The following TBX4 variants were observed in gnomAD, a reference collection of about 807,000 sequenced individuals.
The protein encoded by TBX4 is T-box transcription factor TBX4.
Under a neutral mutation model 54.6 loss-of-function variants are expected in TBX4, and 13 were observed. That is an observed-to-expected ratio of 0.24 (90% CI 0.15 to 0.38). The LOEUF (loss-of-function observed/expected upper bound fraction) is 0.38, where lower values mean the gene tolerates loss of function less well. Among genes scored for constraint, TBX4 ranks in the 10% least tolerant of loss-of-function variants. TBX4 has a pLI of 1.00. For synonymous variants in TBX4, 314 were observed against 306.7 expected (o/e 1.02, Z -0.25); for missense variants, 631 against 728.5 (o/e 0.87, Z 1.54).
In TBX4 at chr17:61,462,204, G is replaced by T. The variant is rs781330303; in HGVS notation, c.282-3615G>T. 6.6e-6 allele frequency among the ~76,000 whole-genome samples: 1 copy of T among 152,172 alleles called. No homozygotes were observed. The highest frequency in any genetic ancestry group is 1.5e-5 in the Non-Finnish European group (1 of 68,042). On this transcript the variant is annotated intron_variant, in intron 3 of 8. Transcript: ENST00000644296. The surrounding 1 kb of genome is among the most constrained non-coding windows in gnomAD (Gnocchi z 4.5). Reference sequence around the variant, plus strand: ...TCATTCTAAAGCCATTTCCGAGTATGAATAGATAAAGGCTCCAGCTCCGCA... The same window carrying T: ...TCATTCTAAAGCCATTTCCGAGTATTAATAGATAAAGGCTCCAGCTCCGCA...
intron 5 of TBX4, among the ~76,000 whole-genome samples, chr17:61,471,219 C>T (rs1217529331): frequency 6.6e-6 from 1 of 152,238 alleles, no homozygotes; most frequent in Non-Finnish European, 1.5e-5. Context: ...TATTTTCCCA[C>T]CTTCTTCACC....
At chr17:61,470,647 G>T (rs1325771513) in intron 5 of TBX4, among the ~76,000 whole-genome samples, 2 of 152,214 alleles carry the variant, frequency 1.3e-5, no homozygotes, top group Non-Finnish European at 2.9e-5. Context: ...GTCAGCTCCA[G>T]TCCCGAGGTT....
Position 61,467,516 on chromosome 17 carries a change from G to A in TBX4, c.408G>A (p.Val136=). 1.2e-6 allele frequency: 2 copies of A among 1,614,176 alleles called. No homozygotes were observed. Among genetic ancestry groups the A allele is most frequent in the Non-Finnish European group, 1.7e-6 (2 of 1,180,034 alleles). The change falls in exon 5 of 9, where the codon GTG becomes GTA. Residue 136 remains valine, a synonymous_variant. Transcript: ENST00000644296. ...RYKFCDNKWM[V]AGKAEPAMPG... The stretch of plus-strand genomic sequence containing the variant: ...TTATCTGCTCTGTTGGCAGGATGGT[G>A]GCAGGGAAGGCTGAGCCAGCCATGC...
Position 61,475,676 on chromosome 17 carries a change from G to A in TBX4, c.550-2951G>A, listed in dbSNP as rs187969419. On this transcript the variant is annotated intron_variant, in intron 5 of 8. Transcript: ENST00000644296. The surrounding 1 kb of genome is among the most constrained non-coding windows in gnomAD (Gnocchi z 5.0). ...ATACCCAGGGCTTTGACGAGCCCAC[G>A]ACTGCTTGTGACTGCCCAGGTGTCA... Among the ~76,000 whole-genome samples, 3 of 152,268 alleles carry A rather than the reference G, an allele frequency of 2.0e-5. No homozygotes were observed. Among genetic ancestry groups the A allele is most frequent in the African/African-American group, 7.2e-5 (3 of 41,572 alleles).
At chr17:61,482,836 G>C in intron 8 of TBX4, 61 bp from the exon 9 acceptor site, 1 of 1,601,738 alleles carries the variant, frequency 6.2e-7, no homozygotes, top group Non-Finnish European at 8.5e-7. Flanking sequence ...GCATCCAACA[G>C]GGTGCTCTGG....
Position 61,462,679 on chromosome 17 carries a change from C to T in TBX4, c.282-3140C>T, listed in dbSNP as rs946982918. Among the ~76,000 whole-genome samples the T allele has an allele frequency of 6.6e-6, 1 of 152,220 alleles. No homozygotes were observed. The highest frequency in any genetic ancestry group is 2.1e-4 in the South Asian group (1 of 4,836). ...GCAGGGCCTGCGTGGACACAGGCGGCACACACAGTGTCTTCCTTCTTGGTC... is the reference window on the plus strand; with the variant it reads ...GCAGGGCCTGCGTGGACACAGGCGGTACACACAGTGTCTTCCTTCTTGGTC... On this transcript the variant is annotated intron_variant, in intron 3 of 8. Transcript: ENST00000644296. The surrounding 1 kb of genome is among the most constrained non-coding windows in gnomAD (Gnocchi z 4.5).
chr17:61,473,075 G>A (rs976832200), intron 5 of TBX4, among the ~76,000 whole-genome samples: 6 of 152,118 alleles, frequency 3.9e-5, no homozygotes, highest in African/African-American at 1.4e-4. Context: ...GAGCTTATTT[G>A]TATTTTTATT....
intron 4 of TBX4, among the ~76,000 whole-genome samples, chr17:61,466,749 T>G (rs1041284102): frequency 1.3e-5 from 2 of 152,252 alleles, no homozygotes; most frequent in African/African-American, 4.8e-5. Context: ...AGGCTCTGGC[T>G]GCGGGGAGAG....
rs572303499 is a variant in TBX4, at chr17:61,460,974, C to T, written c.281+3343C>T. On this transcript the variant is annotated intron_variant, in intron 3 of 8. Coordinates refer to ENST00000644296, the MANE Select transcript of TBX4 (RefSeq NM_001321120.2). This position sits in a 1 kb window ranked among gnomAD's most constrained non-coding sequence, Gnocchi z 4.4. ...GGCAAGGATTTGGCCCGGCTTAATCCGGGGCTTCAAAGCCAATTGCCCTCA... is the reference window on the plus strand; with the variant it reads ...GGCAAGGATTTGGCCCGGCTTAATCTGGGGCTTCAAAGCCAATTGCCCTCA... Among the ~76,000 whole-genome samples, 14 of 152,304 alleles carry T rather than the reference C, an allele frequency of 9.2e-5. No individual in the cohort carries two copies. The highest frequency in any genetic ancestry group is 1.3e-4 in the Admixed American group (2 of 15,302).
rs1203898690 is a variant in TBX4, at chr17:61,485,082, G to A, written c.*1566G>A. The A allele has an allele frequency of 6.6e-6, 1 of 151,864 alleles. No homozygotes were observed. Among genetic ancestry groups the A allele is most frequent in the African/African-American group, 2.4e-5 (1 of 41,324 alleles). 9.4% of individuals were successfully genotyped at this position (151,864 alleles called of 1,614,324 possible). On this transcript the variant is annotated 3_prime_UTR_variant, in exon 9 of 9. Coordinates refer to ENST00000644296, the MANE Select transcript of TBX4 (RefSeq NM_001321120.2). The surrounding 1 kb of genome is among the most constrained non-coding windows in gnomAD (Gnocchi z 4.6). The stretch of plus-strand genomic sequence containing the variant: ...GCATGGATGTTTTATTTTGCATATC[G>A]GAACATAAAGCCATTTTACAACTGT...
rs114817208 is a variant in TBX4 at position 61,476,293 on chromosome 17, C to T, written c.550-2334C>T. On this transcript the variant is annotated intron_variant, in intron 5 of 8. Coordinates refer to ENST00000644296, the MANE Select transcript of TBX4 (RefSeq NM_001321120.2). This position sits in a 1 kb window ranked among gnomAD's most constrained non-coding sequence, Gnocchi z 6.5. ...AGACTTCCTGGAAGATCTGGGTCTT[C>T]CTAGAAGAGATGTTAGGCCCAGAAG... Among the ~76,000 whole-genome samples, 323 of 152,278 alleles carry T rather than the reference C, an allele frequency of 2.1e-3. No homozygotes were observed. The highest frequency in any genetic ancestry group is 7.7e-3 in the African/African-American group (319 of 41,548).
Position 61,483,256 on chromosome 17 carries a change from G to T in TBX4, c.1381G>T (p.Ala461Ser). The T allele has an allele frequency of 1.2e-6, 2 of 1,614,014 alleles. No homozygotes were observed. Among genetic ancestry groups the T allele is most frequent in the Non-Finnish European group, 1.7e-6 (2 of 1,180,006 alleles). The part of the protein sequence containing the change: ...TMMPRLPTLS[A>S]QSSQPPGNAH... ...GATGCCGCGGCTGCCCACCCTCTCC[G>T]CTCAGAGCTCCCAGCCACCAGGAAA... Residue 461 changes from alanine (A) to serine (S), a missense_variant, in exon 9 of 9, where the codon GCT becomes TCT. By Grantham distance (99) the Ala-to-Ser change is moderately conservative. This residue lies in a region of TBX4 where 354 missense variants were observed against 368.9 expected (regional missense o/e 0.96). Transcript: ENST00000644296. The surrounding 1 kb of genome is among the most constrained non-coding windows in gnomAD (Gnocchi z 6.6).
intron 5 of TBX4, among the ~76,000 whole-genome samples, chr17:61,473,104 A>G (rs2060592295): frequency 6.6e-6 from 1 of 152,224 alleles, no homozygotes; most frequent in Non-Finnish European, 1.5e-5. Flanking sequence ...CTTAAATTAT[A>G]AATTTACTTA....
Position 61,479,990 on chromosome 17 carries a change from G to A in TBX4, c.791+21G>A, listed in dbSNP as rs767382939. 2 of 1,613,954 alleles carry A rather than the reference G, an allele frequency of 1.2e-6. No individual in the cohort carries two copies. Among genetic ancestry groups the A allele is most frequent in the East Asian group, 2.2e-5 (1 of 44,874 alleles). Reference sequence around the variant, plus strand: ...CAGAGGTGGGGCTGCGTAGCCTGGGGGTGGGGCGGGCAGATGGGATTCAGG... The same window carrying A: ...CAGAGGTGGGGCTGCGTAGCCTGGGAGTGGGGCGGGCAGATGGGATTCAGG... On this transcript the variant is annotated intron_variant, in intron 7 of 8. Coordinates refer to ENST00000644296, the MANE Select transcript of TBX4 (RefSeq NM_001321120.2). The surrounding 1 kb of genome is among the most constrained non-coding windows in gnomAD (Gnocchi z 6.1).
At position 61,465,242 on chromosome 17, in the gene TBX4, A is replaced by G. The variant is rs1298379237; in HGVS notation, c.282-577A>G. Among the ~76,000 whole-genome samples, 2 of 152,160 alleles carry G rather than the reference A, an allele frequency of 1.3e-5. No individual in the cohort carries two copies. Among genetic ancestry groups the G allele is most frequent in the African/African-American group, 4.8e-5 (2 of 41,426 alleles). The stretch of plus-strand genomic sequence containing the variant: ...CCGATAGACACACTGGAAGAACCCA[A>G]ACCTAGCAGGGTTTTGGACAGCAGT... On this transcript the variant is annotated intron_variant, in intron 3 of 8. Coordinates refer to ENST00000644296, the MANE Select transcript of TBX4 (RefSeq NM_001321120.2). The surrounding 1 kb of genome is among the most constrained non-coding windows in gnomAD (Gnocchi z 4.9).
At chr17:61,456,772 C>A in intron 2 of TBX4, 96 bp downstream of exon 2, 2 of 993,306 alleles carry the variant, frequency 2.0e-6, no homozygotes, top group East Asian at 3.6e-5. Context: ...GCAGGACTCG[C>A]TTTCAGGAGG....
intron 1 of TBX4, 30 bp from the exon 2 acceptor site, chr17:61,456,458 C>T (rs2060450075): frequency 3.2e-6 from 5 of 1,553,494 alleles, no homozygotes; most frequent in South Asian, 1.2e-5. Context: ...TGGACCTGGG[C>T]GAGTGACTCG....
chr17:61,464,816 C>A lies in TBX4; in HGVS notation c.282-1003C>A, dbSNP rs1337199465. Among the ~76,000 whole-genome samples the A allele has an allele frequency of 6.6e-6, 1 of 152,148 alleles. No individual in the cohort carries two copies. Among genetic ancestry groups the A allele is most frequent in the African/African-American group, 2.4e-5 (1 of 41,426 alleles). On this transcript the variant is annotated intron_variant, in intron 3 of 8. Coordinates refer to ENST00000644296, the MANE Select transcript of TBX4 (RefSeq NM_001321120.2). This position sits in a 1 kb window ranked among gnomAD's most constrained non-coding sequence, Gnocchi z 5.8. The stretch of plus-strand genomic sequence containing the variant: ...GTGCTGAGGGGTGTGCGGAAGCCCC[C>A]TCTAGAATGTGCCTCGAACCTCAGG...
intron 5 of TBX4, among the ~76,000 whole-genome samples, chr17:61,477,678 C>A (rs1308705585): frequency 6.6e-6 from 1 of 152,204 alleles, no homozygotes; most frequent in Non-Finnish European, 1.5e-5. Flanking sequence ...CGGAGGCTCA[C>A]GCCTGTAATC....
Sources: gnomAD v4.1 joint callset for allele counts (sites outside exome capture counted in the v4.1 genomes callset) on GRCh38, gnomAD v4.1.1 for gene constraint, gnomAD v4.1.1 regional missense constraint, Gnocchi (gnomAD v3.1) non-coding constraint, MANE v1.5 for transcripts, NCBI Gene and HGNC (gene_info 2026-07-23, HGNC 2026-07-21) for gene names.